Variants in CADPS observed in about 807,000 individuals in gnomAD.
The protein encoded by CADPS is calcium-dependent secretion activator 1.
CADPS carries 57 observed loss-of-function variants against 167.3 expected under a neutral mutation model. The observed-to-expected ratio is 0.34, with a 90% CI of 0.28 to 0.42. CADPS has a LOEUF of 0.42. CADPS is among the 20% of genes least tolerant of loss of function. The pLI is 1.00. For missense variants in CADPS, 1,414 were observed against 1,738.1 expected (o/e 0.81, Z 3.32); for synonymous variants, 676 against 635.3 (o/e 1.06, Z -0.96).
At chr3:62,763,223 A>G (rs556121753) in intron 2 of CADPS, among the ~76,000 whole-genome samples, 4 of 152,250 alleles carry the variant, frequency 2.6e-5, no homozygotes, top group Admixed American at 2.6e-4. Flanking sequence ...ATGTCAGTCC[A>G]ACAAAGTCAC....
At chr3:62,473,705 T>G (rs1357863690) in intron 24 of CADPS, 1 of 152,388 alleles carries the variant, frequency 6.6e-6, no homozygotes, top group Non-Finnish European at 1.5e-5. Flanking sequence ...TTTTTTTTTT[T>G]TGGAAATTCA....
intron 3 of CADPS, among the ~76,000 whole-genome samples, chr3:62,705,012 T>C (rs1580796952): frequency 6.6e-6 from 1 of 152,100 alleles, no homozygotes; most frequent in African/African-American, 2.4e-5. Flanking sequence ...CCACCATACC[T>C]GCACCTTGAT....
chr3:62,419,685 C>T (rs1174539313), intron 28 of CADPS, among the ~76,000 whole-genome samples: 1 of 152,074 alleles, frequency 6.6e-6, no homozygotes, highest in Non-Finnish European at 1.5e-5. Flanking sequence ...CTCCCCTGAT[C>T]GCTTCTTAGG....
intron 26 of CADPS, among the ~76,000 whole-genome samples, chr3:62,452,076 C>T (rs998658635): frequency 1.3e-5 from 2 of 152,160 alleles, no homozygotes; most frequent in African/African-American, 2.4e-5. Context: ...GAGAATGGCA[C>T]TCTTTACTCA....
At chr3:62,498,042 G>A (rs1345594680) in intron 18 of CADPS, 1 of 451,466 alleles carries the variant, frequency 2.2e-6, no homozygotes, top group African/African-American at 2.0e-5. Context: ...GTCAGTGTTA[G>A]AAAGCAGGAG....
Position 62,744,015 on chromosome 3 carries a change from T to C in CADPS, c.888+9426A>G, listed in dbSNP as rs2080895682. ...GACTACTTAGGAGCTTGCTTTGAAG[T>C]CTTGAAATGTTGAGTTCAAATCCAA... On this transcript the variant is annotated intron_variant, in intron 3 of 29. Transcript: ENST00000383710. Among the ~76,000 whole-genome samples, 4 of 152,202 alleles carry C rather than the reference T, an allele frequency of 2.6e-5. 1 individual carries two copies. In the South Asian group the frequency reaches 8.3e-4, roughly 31 times the overall value.
chr3:62,769,388 C>G (rs564984503), intron 1 of CADPS, among the ~76,000 whole-genome samples: 1 of 151,948 alleles, frequency 6.6e-6, no homozygotes, highest in Non-Finnish European at 1.5e-5. Context: ...TGTGCCTCTA[C>G]AGCTGGCTAA....
Position 62,765,857 on chromosome 3 carries a change from A to T in CADPS, c.555+14T>A. 1 of 1,562,378 alleles carries T rather than the reference A, an allele frequency of 6.4e-7. No homozygotes were observed. The highest frequency in any genetic ancestry group is 8.8e-7 in the Non-Finnish European group (1 of 1,133,674). ...TTGAGTGGTCTTGGCATTCTTCTGA[A>T]CAGTGATTCTCACCTCATAGTAACT... On this transcript the variant is annotated intron_variant, in intron 2 of 29. Coordinates refer to ENST00000383710, the MANE Select transcript of CADPS (RefSeq NM_003716.4).
intron 3 of CADPS, among the ~76,000 whole-genome samples, chr3:62,681,672 C>T (rs567792580): frequency 1.3e-5 from 2 of 151,992 alleles, no homozygotes; most frequent in Non-Finnish European, 2.9e-5. Flanking sequence ...TTGTTTGACA[C>T]GTCTACATGA....
chr3:62,410,489 A>G (rs1179041927), intron 28 of CADPS, among the ~76,000 whole-genome samples: 1 of 152,238 alleles, frequency 6.6e-6, no homozygotes, highest in Non-Finnish European at 1.5e-5. Flanking sequence ...AGCAGCTAGC[A>G]AGAGATGGAA....
intron 1 of CADPS, among the ~76,000 whole-genome samples, chr3:62,782,897 T>C (rs1006877014): frequency 3.3e-5 from 5 of 151,874 alleles, no homozygotes; most frequent in Admixed American, 3.3e-4. Context: ...GTAGCTGGGA[T>C]TACAGGTGCC....
intron 1 of CADPS, among the ~76,000 whole-genome samples, chr3:62,834,553 T>C (rs923578644): frequency 1.3e-5 from 2 of 152,164 alleles, no homozygotes; most frequent in Admixed American, 6.5e-5. Context: ...GGTAAGTCAC[T>C]TACTCTCTCC....
At chr3:62,526,675 C>T (rs566582517) in intron 13 of CADPS, among the ~76,000 whole-genome samples, 21 of 152,266 alleles carry the variant, frequency 1.4e-4, no homozygotes, top group Admixed American at 1.3e-3. Flanking sequence ...ATTTTATGAT[C>T]GCCAAATGCA....
At chr3:62,610,247 C>CTTTCT (rs1342774526) in intron 6 of CADPS, among the ~76,000 whole-genome samples, 1 of 137,768 alleles carries the variant, frequency 7.3e-6, no homozygotes, top group Non-Finnish European at 1.6e-5. Flanking sequence ...CTTTTCTTTT[C>CTTTCT]TTTCTTTTCT....
At chr3:62,600,459 G>C (rs1342676866) in intron 6 of CADPS, among the ~76,000 whole-genome samples, 1 of 152,140 alleles carries the variant, frequency 6.6e-6, no homozygotes, top group African/African-American at 2.4e-5. Context: ...ATGTGTATTG[G>C]GACATGTGTG....
intron 6 of CADPS, among the ~76,000 whole-genome samples, chr3:62,614,701 T>C (rs2061996028): frequency 2.0e-5 from 3 of 152,168 alleles, no homozygotes; most frequent in African/African-American, 7.2e-5. Flanking sequence ...GCATATAATG[T>C]GTACATAATG....
chr3:62,629,402 C>T (rs2064816003), intron 6 of CADPS, among the ~76,000 whole-genome samples: 2 of 152,148 alleles, frequency 1.3e-5, no homozygotes, highest in African/African-American at 2.4e-5. Context: ...TTTTACTCTG[C>T]ATAATTTTTT....
At chr3:62,739,568 A>G (rs371876950) in intron 3 of CADPS, among the ~76,000 whole-genome samples, 3 of 152,144 alleles carry the variant, frequency 2.0e-5, no homozygotes, top group East Asian at 3.9e-4. Context: ...TGGCCTCCCT[A>G]TACATAAGGA....
At chr3:62,834,659 T>C (rs1234397239) in intron 1 of CADPS, among the ~76,000 whole-genome samples, 1 of 152,208 alleles carries the variant, frequency 6.6e-6, no homozygotes, top group Non-Finnish European at 1.5e-5. Flanking sequence ...ATATGTCTGC[T>C]AACATATGAT....
Sources: gnomAD v4.1 joint callset for allele counts (sites outside exome capture counted in the v4.1 genomes callset) on GRCh38, gnomAD v4.1.1 for gene constraint, MANE v1.5 for transcripts, NCBI Gene and HGNC (gene_info 2026-07-23, HGNC 2026-07-21) for gene names.